SHQ1: variants seen among roughly 807,000 people sequenced by gnomAD.
SHQ1 encodes protein SHQ1 homolog.
A neutral mutation model predicts 53.8 loss-of-function variants in SHQ1; 49 were observed. The ratio of observed to expected loss-of-function variants is 0.91; its 90% CI spans 0.72 to 1.16. SHQ1 has a LOEUF of 1.16. Among genes scored for constraint, SHQ1 ranks in the 50% most tolerant of loss-of-function variants. SHQ1 has a pLI of 0.00. For synonymous variants in SHQ1, 243 were observed against 251.0 expected (o/e 0.97, Z 0.30); for missense variants, 738 against 683.1 (o/e 1.08, Z -0.90).
At chr3:72,760,482 C>G (rs1246897155) in intron 10 of SHQ1, among the ~76,000 whole-genome samples, 1 of 152,164 alleles carries the variant, frequency 6.6e-6, no homozygotes, top group Admixed American at 6.5e-5. Context: ...TAAGGGAGCA[C>G]AGAAGTCATC....
In SHQ1 at chr3:72,824,484, ATT is replaced by A. The variant is rs1462043827; in HGVS notation, c.665_666del (p.Lys222IlefsTer25). On this transcript the variant is annotated frameshift_variant, in exon 6 of 11. Transcript: ENST00000325599. LOFTEE classifies it high-confidence loss of function. ...ILKYNPWWTD[K>X]YSKMMAFLEK... ...TCCAAAAAGGCCATCATTTTTGAAT[ATT>A]TGTCAGTCCACCAAGGATTATACTT... 2.5e-6 allele frequency: 4 copies of A among 1,613,012 alleles called. No homozygotes were observed. The highest frequency in any genetic ancestry group is 3.4e-6 in the Non-Finnish European group (4 of 1,179,724).
the SHQ1 span, among the ~76,000 whole-genome samples, chr3:72,729,153 C>A: frequency 6.6e-6 from 1 of 152,196 alleles, no homozygotes; most frequent in East Asian, 1.9e-4. Flanking sequence ...AGGCCCCGAG[C>A]TTTTATCTTG....
chr3:72,841,156 A>C lies in SHQ1; in HGVS notation c.375T>G (p.Phe125Leu). Reference protein sequence around the residue: ...IPEEVVDDEEFDWEIEQTPCE... With the variant: ...IPEEVVDDEELDWEIEQTPCE... ...AGGGTGTCTGCTCAATTTCCCAATCAAACTCTTCATCGTCAACTACTTCCT... is the reference window on the plus strand; with the variant it reads ...AGGGTGTCTGCTCAATTTCCCAATCCAACTCTTCATCGTCAACTACTTCCT... The change falls in exon 4 of 11, where the codon TTT becomes TTG. Residue 125 changes from phenylalanine (F) to leucine (L), a missense_variant. Phe to Leu is a conservative substitution (Grantham distance 22, BLOSUM62 0). Coordinates refer to ENST00000325599, the MANE Select transcript of SHQ1 (RefSeq NM_018130.3). 1 of 1,613,814 alleles carries C rather than the reference A, an allele frequency of 6.2e-7. No homozygotes were observed. Among genetic ancestry groups the C allele is most frequent in the Non-Finnish European group, 8.5e-7 (1 of 1,179,918 alleles).
At chr3:72,729,626 T>C in the SHQ1 span, among the ~76,000 whole-genome samples, 1 of 152,234 alleles carries the variant, frequency 6.6e-6, no homozygotes, top group Non-Finnish European at 1.5e-5. Flanking sequence ...TTGTTTTCAT[T>C]AAAATCTTAT....
intron 10 of SHQ1, among the ~76,000 whole-genome samples, chr3:72,790,149 A>C (rs1308777361): frequency 6.6e-6 from 1 of 152,208 alleles, no homozygotes; most frequent in African/African-American, 2.4e-5. Flanking sequence ...TCTGTAACTC[A>C]GAATGAGAGG....
intron 8 of SHQ1, among the ~76,000 whole-genome samples, chr3:72,813,830 C>CTTTTTTTTTTTT (rs931930903): frequency 9.2e-6 from 1 of 108,202 alleles, no homozygotes; most frequent in Non-Finnish European, 1.8e-5. Context: ...TCCTCTTTTT[C>CTTTTTTTTTTTT]TTTTTTTTTT....
intron 10 of SHQ1, among the ~76,000 whole-genome samples, chr3:72,785,295 A>C (rs7619888): frequency 0.043 from 6,581 of 152,240 alleles, 408 homozygotes; most frequent in African/African-American, 0.13. Flanking sequence ...TCACCAATAA[A>C]GCTCCCCAGT....
intron 9 of SHQ1, among the ~76,000 whole-genome samples, 161 bp downstream of exon 9, chr3:72,812,510 T>C (rs1251477994): frequency 6.6e-6 from 1 of 152,226 alleles, no homozygotes; most frequent in Non-Finnish European, 1.5e-5. Flanking sequence ...CTTATCTACA[T>C]ATGTCTTATA....
At chr3:72,846,419 C>G in intron 1 of SHQ1, 1 of 984,578 alleles carries the variant, frequency 1.0e-6, no homozygotes, top group South Asian at 1.6e-5. Context: ...CTCAAGCTTC[C>G]CAAGTAGCTA....
intron 9 of SHQ1, among the ~76,000 whole-genome samples, 167 bp downstream of exon 9, chr3:72,812,504 T>A (rs1250040285): frequency 6.6e-6 from 1 of 152,210 alleles, no homozygotes; most frequent in African/African-American, 2.4e-5. Context: ...CAATTACTTA[T>A]CTACATATGT....
chr3:72,768,936 G>T (rs1239119465), intron 10 of SHQ1, among the ~76,000 whole-genome samples: 1 of 152,196 alleles, frequency 6.6e-6, no homozygotes, highest in Non-Finnish European at 1.5e-5. Context: ...CACATTTATT[G>T]AGTGGCCAGT....
At chr3:72,842,920 C>G (rs1356167428) in intron 2 of SHQ1, among the ~76,000 whole-genome samples, 1 of 151,906 alleles carries the variant, frequency 6.6e-6, no homozygotes, top group Non-Finnish European at 1.5e-5. Flanking sequence ...CTAAAAAATA[C>G]AAAAATTAGC....
chr3:72,801,141 TAA>T (rs11366992), intron 9 of SHQ1, among the ~76,000 whole-genome samples: 1 of 149,614 alleles, frequency 6.7e-6, no homozygotes, highest in Non-Finnish European at 1.5e-5. Context: ...GGTAGAACAT[TAA>T]AAAAAAAAAT....
intron 3 of SHQ1, among the ~76,000 whole-genome samples, chr3:72,841,979 CCT>C (rs1162953223): frequency 5.3e-5 from 8 of 152,076 alleles, no homozygotes; most frequent in East Asian, 1.9e-4. Flanking sequence ...GTTGGGGACC[CCT>C]GTTTTACGTA....
In SHQ1 at chr3:72,772,650, A is replaced by G; in HGVS notation, c.1181+20266T>C. The G allele has an allele frequency of 2.0e-5, 14 of 712,810 alleles. 1 individual carries two copies. Among genetic ancestry groups the G allele is most frequent in the South Asian group, 1.9e-4 (13 of 68,588 alleles). The allele number at this position is 712,810 out of a possible 1,614,324, so 44.2% of individuals were successfully genotyped here. ...TTGTACAAAAGGAAACAGAAGATGT[A>G]CTAGACAATCTTGATGGTGCTTCCA... On this transcript the variant is annotated intron_variant, in intron 10 of 10. Coordinates refer to ENST00000325599, the MANE Select transcript of SHQ1 (RefSeq NM_018130.3).
chr3:72,785,180 C>G (rs764534663), intron 10 of SHQ1, among the ~76,000 whole-genome samples: 3 of 152,196 alleles, frequency 2.0e-5, no homozygotes, highest in Non-Finnish European at 4.4e-5. Flanking sequence ...CAGCATCATG[C>G]AAGACCATAT....
intron 6 of SHQ1, among the ~76,000 whole-genome samples, chr3:72,822,433 G>A (rs1483913864): frequency 6.6e-6 from 1 of 152,132 alleles, no homozygotes; most frequent in Non-Finnish European, 1.5e-5. Flanking sequence ...ACACAAAGAA[G>A]ACTAAGAGCA....
intron 10 of SHQ1, among the ~76,000 whole-genome samples, chr3:72,792,517 G>A (rs1706470851): frequency 6.6e-6 from 1 of 152,138 alleles, no homozygotes; most frequent in African/African-American, 2.4e-5. Context: ...CAGGCACAGT[G>A]GCTCACACCT....
chr3:72,726,161 C>T, the SHQ1 span, among the ~76,000 whole-genome samples: 12 of 152,108 alleles, frequency 7.9e-5, no homozygotes, highest in Non-Finnish European at 1.5e-4. Context: ...AACTGAGGCA[C>T]CAGGAGTGAA....
Sources: allele counts gnomAD v4.1 joint callset (sites outside exome capture counted in the v4.1 genomes callset), GRCh38; gene constraint gnomAD v4.1.1; transcripts MANE v1.5; gene names NCBI Gene and HGNC (gene_info 2026-07-23, HGNC 2026-07-21).